DNAH5: variants seen among roughly 807,000 people sequenced by gnomAD.
DNAH5 encodes the protein dynein axonemal heavy chain 5.
Under a neutral mutation model 518.2 loss-of-function variants are expected in DNAH5, and 372 were observed. The observed-to-expected ratio is 0.72, with a 90% CI of 0.66 to 0.78. The LOEUF (loss-of-function observed/expected upper bound fraction) is 0.78. DNAH5 is among the 30% of genes least tolerant of loss of function. DNAH5 has a pLI of 0.00. For missense variants in DNAH5, 5,523 were observed against 5,687.0 expected (o/e 0.97, Z 0.93); for synonymous variants, 2,039 against 2,025.9 (o/e 1.01, Z -0.17).
chr5:13,810,316 T>A, intron 44 of DNAH5, 56 bp from the exon 45 acceptor site: 1 of 1,471,760 alleles, frequency 6.8e-7, no homozygotes, highest in Non-Finnish European at 9.3e-7. Context: ...CAAACGTTGC[T>A]CTAGGGTTTC....
intron 1 of DNAH5, among the ~76,000 whole-genome samples, chr5:13,998,675 G>T (rs1784132898): frequency 6.6e-6 from 1 of 152,288 alleles, no homozygotes. Flanking sequence ...TATGAGGAAA[G>T]TAACAGTTCC....
chr5:13,822,179 T>C (rs1762317092), intron 40 of DNAH5, among the ~76,000 whole-genome samples: 1 of 152,088 alleles, frequency 6.6e-6, no homozygotes, highest in Non-Finnish European at 1.5e-5. Flanking sequence ...AATTCAGACA[T>C]TTATATACTA....
At chr5:13,751,472 T>C (rs1371336520) in intron 64 of DNAH5, among the ~76,000 whole-genome samples, 2 of 152,096 alleles carry the variant, frequency 1.3e-5, no homozygotes, top group South Asian at 4.1e-4. Flanking sequence ...AACATATATA[T>C]ACACACATAT....
At chr5:13,694,701 G>A (rs946756497) in intron 78 of DNAH5, among the ~76,000 whole-genome samples, 9 of 151,920 alleles carry the variant, frequency 5.9e-5, no homozygotes, top group South Asian at 2.1e-4. Flanking sequence ...CAAAATAATC[G>A]TTACATAGAG....
chr5:13,853,018 T>C (rs774235716), intron 30 of DNAH5, among the ~76,000 whole-genome samples: 1 of 152,246 alleles, frequency 6.6e-6, no homozygotes, highest in Non-Finnish European at 1.5e-5. Flanking sequence ...GCTCGAGCTC[T>C]GCTAAGGGAC....
rs769058578 is a variant in DNAH5, at chr5:13,769,085, C to T, written c.9772G>A (p.Glu3258Lys). 6.2e-7 allele frequency: 1 copy of T among 1,614,088 alleles called. No homozygotes were observed. Among genetic ancestry groups the T allele is most frequent in the Non-Finnish European group, 8.5e-7 (1 of 1,180,046 alleles). The change falls in exon 58 of 79, where the codon GAG (glutamate) becomes AAG (lysine). Residue 3258 changes from glutamate to lysine, a missense_variant. Glu to Lys is a moderately conservative substitution (Grantham distance 56). Transcript: ENST00000265104. Reference sequence around the variant, plus strand: ...GCCCTGTCCTTCACCTTCTGTACCTCAGCCTTGACCTTTTCAGCAGCCTGT... The same window carrying T: ...GCCCTGTCCTTCACCTTCTGTACCTTAGCCTTGACCTTTTCAGCAGCCTGT... ...KAQAAEKVKA[E>K]VQKVKDRAQA...
chr5:13,865,621 G>A, intron 27 of DNAH5, 47 bp downstream of exon 27: 1 of 1,156,834 alleles, frequency 8.6e-7, no homozygotes, highest in Non-Finnish European at 1.3e-6. Flanking sequence ...AAAGAGGAAA[G>A]CATTTGAAGT....
intron 65 of DNAH5, among the ~76,000 whole-genome samples, chr5:13,748,617 A>G (rs1020440003): frequency 6.6e-6 from 1 of 152,142 alleles, no homozygotes; most frequent in African/African-American, 2.4e-5. Flanking sequence ...TTGGATTCCC[A>G]GGTATTCTAT....
intron 1 of DNAH5, among the ~76,000 whole-genome samples, chr5:13,967,303 G>A (rs1190114640): frequency 1.3e-5 from 2 of 152,106 alleles, no homozygotes; most frequent in Non-Finnish European, 2.9e-5. Context: ...AATTTTTATG[G>A]CTTCAAGTCT....
chr5:13,781,401 G>T (rs1294530953), intron 52 of DNAH5, among the ~76,000 whole-genome samples: 1 of 152,122 alleles, frequency 6.6e-6, no homozygotes, highest in Non-Finnish European at 1.5e-5. Context: ...CATTTGAAAA[G>T]TGTTCAAATT....
chr5:13,757,099 T>C (rs1477156832), intron 61 of DNAH5, among the ~76,000 whole-genome samples: 1 of 152,218 alleles, frequency 6.6e-6, no homozygotes, highest in Non-Finnish European at 1.5e-5. Flanking sequence ...CTTTATCCAG[T>C]CTACCACTGT....
chr5:13,981,640 T>C (rs1179853247), intron 1 of DNAH5, among the ~76,000 whole-genome samples: 3 of 152,200 alleles, frequency 2.0e-5, no homozygotes, highest in Non-Finnish European at 4.4e-5. Context: ...GGACAGCCCC[T>C]AAGAGGGAGG....
At chr5:13,778,401 G>C (rs374303004) in intron 53 of DNAH5, among the ~76,000 whole-genome samples, 3 of 144,146 alleles carry the variant, frequency 2.1e-5, no homozygotes, top group East Asian at 4.2e-4. Flanking sequence ...AAGACACCTA[G>C]AGAAGTGAGA....
chr5:13,944,888 T>C (rs1256434468), upstream of DNAH5, among the ~76,000 whole-genome samples: 3 of 152,204 alleles, frequency 2.0e-5, no homozygotes, highest in Admixed American at 6.5e-5. Flanking sequence ...CTTTAAACCA[T>C]ATCAGATTAG....
chr5:13,741,207 G>A lies in DNAH5; in HGVS notation c.11212-3712C>T, dbSNP rs970595605. 1.9e-4 allele frequency among the ~76,000 whole-genome samples: 29 copies of A among 152,112 alleles called. 1 individual carries two copies. Among genetic ancestry groups the A allele is most frequent in the Admixed American group, 1.8e-3 (28 of 15,246 alleles). ...TGAAGGCAAACAGCAAAGACCCCTGGCCTCTGCTTTATGTTTCAGCCAGTT... is the reference window on the plus strand; with the variant it reads ...TGAAGGCAAACAGCAAAGACCCCTGACCTCTGCTTTATGTTTCAGCCAGTT... On this transcript the variant is annotated intron_variant, in intron 65 of 78. Coordinates refer to ENST00000265104, the MANE Select transcript of DNAH5 (RefSeq NM_001369.3).
At chr5:13,951,671 C>A (rs1325632574) in intron 1 of DNAH5, among the ~76,000 whole-genome samples, 1 of 152,146 alleles carries the variant, frequency 6.6e-6, no homozygotes, top group African/African-American at 2.4e-5. Flanking sequence ...AGAAACTCAC[C>A]AGCCTGCACC....
intron 1 of DNAH5, among the ~76,000 whole-genome samples, chr5:13,981,873 C>T (rs993531686): frequency 2.0e-5 from 3 of 152,200 alleles, no homozygotes; most frequent in Non-Finnish European, 4.4e-5. Context: ...GTGGCCAACA[C>T]TGAAGTCATC....
At chr5:13,796,448 C>T (rs1005173209) in intron 47 of DNAH5, among the ~76,000 whole-genome samples, 6 of 152,104 alleles carry the variant, frequency 3.9e-5, no homozygotes, top group Non-Finnish European at 1.5e-5. Flanking sequence ...CTCCCATTCA[C>T]AATGGCTACA....
intron 1 of DNAH5, among the ~76,000 whole-genome samples, chr5:14,009,411 C>A (rs564444598): frequency 6.6e-6 from 1 of 152,152 alleles, no homozygotes; most frequent in East Asian, 1.9e-4. Context: ...TGCCTTCCTG[C>A]GAGAATTGAA....
Sources: gnomAD v4.1 joint callset for allele counts (sites outside exome capture counted in the v4.1 genomes callset) on GRCh38, gnomAD v4.1.1 for gene constraint, MANE v1.5 for transcripts, NCBI Gene and HGNC (gene_info 2026-07-23, HGNC 2026-07-21) for gene names.